The following AGBL4 variants were observed in gnomAD, a reference collection of about 807,000 sequenced individuals.
AGBL4 encodes AGBL carboxypeptidase 4.
Under a neutral mutation model 66.4 loss-of-function variants are expected in AGBL4, and 58 were observed. The ratio of observed to expected loss-of-function variants is 0.87; its 90% CI spans 0.71 to 1.09. AGBL4 has a LOEUF of 1.09. Among genes scored for constraint, AGBL4 ranks in the 50% least tolerant of loss-of-function variants. AGBL4 has a pLI of 0.00. For synonymous variants in AGBL4, 234 were observed against 222.9 expected, an observed-to-expected ratio of 1.05 and a Z score of -0.44; for missense variants, 579 against 631.0, an observed-to-expected ratio of 0.92 and a Z score of 0.88.
chr1:48,571,722 A>C (rs1458936112), intron 11 of AGBL4, among the ~76,000 whole-genome samples: 3 of 152,246 alleles, frequency 2.0e-5, no homozygotes, highest in African/African-American at 7.2e-5. Flanking sequence ...ATGAGCAAGC[A>C]AATTAAAATA....
chr1:48,952,024 G>A (rs116544653), intron 5 of AGBL4, among the ~76,000 whole-genome samples: 1,648 of 152,262 alleles, frequency 0.011, 31 homozygotes, highest in African/African-American at 0.038. Flanking sequence ...GCTAAGTTTT[G>A]TCTAATTTCA....
intron 2 of AGBL4, among the ~76,000 whole-genome samples, chr1:49,795,434 G>A (rs1267651819): frequency 6.6e-6 from 1 of 151,902 alleles, no homozygotes; most frequent in African/African-American, 2.4e-5. Flanking sequence ...CTAGCAAGCT[G>A]AATAAATGAG....
intron 5 of AGBL4, among the ~76,000 whole-genome samples, chr1:49,001,214 T>G (rs924064466): frequency 7.9e-5 from 12 of 152,162 alleles, no homozygotes; most frequent in African/African-American, 2.9e-4. Flanking sequence ...TTTTAAAGAG[T>G]TCAAAGAGGA....
intron 6 of AGBL4, among the ~76,000 whole-genome samples, chr1:48,709,983 A>C (rs116733862): frequency 0.015 from 2,323 of 152,290 alleles, 56 homozygotes; most frequent in African/African-American, 0.051. Context: ...CCTGTTGTAC[A>C]CAGACCCACT....
At chr1:49,974,209 G>C (rs867851303) in intron 1 of AGBL4, among the ~76,000 whole-genome samples, 1 of 151,986 alleles carries the variant, frequency 6.6e-6, no homozygotes, top group African/African-American at 2.4e-5. Flanking sequence ...ACAAGTTATA[G>C]GAAGCTCAAT....
At chr1:49,909,878 GC>G (rs1650643829) in intron 1 of AGBL4, among the ~76,000 whole-genome samples, 1 of 152,120 alleles carries the variant, frequency 6.6e-6, no homozygotes, top group Admixed American at 6.5e-5. Context: ...GAAGAATTGA[GC>G]TTTTGTCTAT....
At chr1:49,091,941 C>T (rs1645011663) in intron 4 of AGBL4, among the ~76,000 whole-genome samples, 1 of 151,948 alleles carries the variant, frequency 6.6e-6, no homozygotes. Context: ...GAACAGAAAA[C>T]CAAACACCAC....
chr1:48,693,705 A>G (rs1646669994), intron 6 of AGBL4, among the ~76,000 whole-genome samples: 1 of 152,044 alleles, frequency 6.6e-6, no homozygotes. Context: ...GCCTGGTGAC[A>G]TCCATTTCTC....
At chr1:49,834,466 T>A (rs958015625) in intron 2 of AGBL4, among the ~76,000 whole-genome samples, 1 of 152,182 alleles carries the variant, frequency 6.6e-6, no homozygotes, top group Non-Finnish European at 1.5e-5. Context: ...ATTTGATTCG[T>A]CTTGCTTTTC....
chr1:49,173,988 G>A (rs1217810118), intron 4 of AGBL4, among the ~76,000 whole-genome samples: 1 of 152,122 alleles, frequency 6.6e-6, no homozygotes, highest in Non-Finnish European at 1.5e-5. Flanking sequence ...GAAATAATTG[G>A]TGACCCTGAG....
intron 3 of AGBL4, among the ~76,000 whole-genome samples, chr1:49,561,626 A>G (rs1341201038): frequency 6.6e-6 from 1 of 152,096 alleles, no homozygotes; most frequent in Non-Finnish European, 1.5e-5. Context: ...GTCCCTACAA[A>G]GGACATGAAC....
At chr1:49,706,290 T>C (rs763808592) in intron 2 of AGBL4, among the ~76,000 whole-genome samples, 9 of 152,166 alleles carry the variant, frequency 5.9e-5, no homozygotes, top group Non-Finnish European at 7.4e-5. Flanking sequence ...GGGTGTTGTG[T>C]CCAGGAATTC....
At chr1:49,278,731 G>A (rs190966244) in intron 3 of AGBL4, among the ~76,000 whole-genome samples, 3 of 152,176 alleles carry the variant, frequency 2.0e-5, no homozygotes, top group East Asian at 3.9e-4. Flanking sequence ...TAAGAGCCAA[G>A]AGTCCTTCTT....
intron 6 of AGBL4, among the ~76,000 whole-genome samples, chr1:48,700,358 G>A (rs1456299844): frequency 2.0e-5 from 3 of 152,188 alleles, no homozygotes; most frequent in Non-Finnish European, 4.4e-5. Flanking sequence ...GGTTAGCAAG[G>A]AGAGGGCTGC....
At chr1:49,515,207 C>A (rs1479097997) in intron 3 of AGBL4, among the ~76,000 whole-genome samples, 1 of 151,976 alleles carries the variant, frequency 6.6e-6, no homozygotes, top group Non-Finnish European at 1.5e-5. Context: ...AACAAACAAC[C>A]CTATCAAAAA....
intron 4 of AGBL4, among the ~76,000 whole-genome samples, chr1:49,135,539 A>AT (rs1557670396): frequency 2.0e-5 from 3 of 152,170 alleles, no homozygotes; most frequent in African/African-American, 7.2e-5. Context: ...GTTTATTAAC[A>AT]GCAAACCAGT....
rs367994712 is a variant in AGBL4, at chr1:49,419,028, A to C, written c.283-173164T>G. 1.4e-3 allele frequency among the ~76,000 whole-genome samples: 211 copies of C among 152,346 alleles called. 1 individual carries two copies. The highest frequency in any genetic ancestry group is 4.8e-3 in the African/African-American group (198 of 41,592). ...GGTGAGAGATGATCAGACTTTAATT[A>C]GGAAGGGAAAGGATGGAGATAAATT... On this transcript the variant is annotated intron_variant, in intron 3 of 13. Transcript: ENST00000371839.
chr1:50,001,417 T>TG (rs1660740464), intron 1 of AGBL4, among the ~76,000 whole-genome samples: 1 of 146,972 alleles, frequency 6.8e-6, no homozygotes, highest in African/African-American at 2.5e-5. Context: ...AAAAAATAAT[T>TG]TGTGTGTGTG....
intron 6 of AGBL4, among the ~76,000 whole-genome samples, chr1:48,826,935 C>T (rs1201452737): frequency 6.6e-6 from 1 of 152,090 alleles, no homozygotes; most frequent in African/African-American, 2.4e-5. Context: ...CACCAGTCCT[C>T]AAATAGGCTC....
Sources: allele counts gnomAD v4.1 joint callset (sites outside exome capture counted in the v4.1 genomes callset), GRCh38; gene constraint gnomAD v4.1.1; transcripts MANE v1.5; gene names NCBI Gene and HGNC (gene_info 2026-07-23, HGNC 2026-07-21).